The following SPIDR variants were observed in gnomAD, a reference collection of about 807,000 sequenced individuals.
The protein encoded by SPIDR is scaffold protein involved in DNA repair, also known as DNA repair-scaffolding protein.
A neutral mutation model predicts 104.6 loss-of-function variants in SPIDR; 93 were observed. That is an observed-to-expected ratio of 0.89 (90% confidence interval 0.75 to 1.06). The LOEUF (loss-of-function observed/expected upper bound fraction) is 1.06. Ranked by LOEUF, SPIDR falls within the 50% of genes least tolerant of loss-of-function variation. The probability of loss-of-function intolerance (pLI) is 0.00; values close to 1 mark genes in which losing one functional copy is unlikely to be tolerated. For synonymous variants in SPIDR, 431 were observed against 416.9 expected (o/e 1.03, Z -0.41); for missense variants, 1,154 against 1,111.2 (o/e 1.04, Z -0.55).
At chr8:47,657,919 G>A (rs766713082) in intron 10 of SPIDR, among the ~76,000 whole-genome samples, 8 of 150,704 alleles carry the variant, frequency 5.3e-5, no homozygotes, top group Admixed American at 2.0e-4. Context: ...AGTCCCAGCC[G>A]TTTGGGAGAC....
At chr8:47,635,176 A>C (rs530761378) in intron 10 of SPIDR, among the ~76,000 whole-genome samples, 7 of 148,434 alleles carry the variant, frequency 4.7e-5, no homozygotes, top group Non-Finnish European at 9.0e-5. Flanking sequence ...TCTCTACTTA[A>C]AAAAAAAAAA....
Position 47,735,723 on chromosome 8 carries a change from G to A in SPIDR, c.*273G>A. ...AATCTTAAGTTTAAGCTCTTCATTT[G>A]GTATTTAGGCAATATATGAGAAAAA... On this transcript the variant is annotated 3_prime_UTR_variant, in exon 20 of 20. Coordinates refer to ENST00000297423, the MANE Select transcript of SPIDR (RefSeq NM_001080394.4). The A allele has an allele frequency of 2.7e-6, 2 of 741,942 alleles. No homozygotes were observed. The highest frequency in any genetic ancestry group is 4.0e-4 in the Middle Eastern group (1 of 2,530). The allele number at this position is 741,942 out of a possible 1,614,324, so 46.0% of individuals were successfully genotyped here.
At chr8:47,626,917 T>C (rs2066230041) in intron 10 of SPIDR, among the ~76,000 whole-genome samples, 1 of 152,220 alleles carries the variant, frequency 6.6e-6, no homozygotes, top group African/African-American at 2.4e-5. Context: ...TAAATCATGC[T>C]GCTATAAAGA....
intron 1 of SPIDR, among the ~76,000 whole-genome samples, chr8:47,266,129 C>CTTT (rs1224689414): frequency 3.1e-5 from 4 of 129,670 alleles, no homozygotes; most frequent in African/African-American, 5.7e-5. Flanking sequence ...GTTTCTTTGT[C>CTTT]TTTTTTTTTT....
chr8:47,301,295 C>T (rs1164923085), intron 5 of SPIDR, among the ~76,000 whole-genome samples: 1 of 151,982 alleles, frequency 6.6e-6, no homozygotes, highest in Non-Finnish European at 1.5e-5. Context: ...TTTCCATTTC[C>T]TTGTAGATCT....
intron 8 of SPIDR, among the ~76,000 whole-genome samples, chr8:47,473,121 A>T (rs1266718270): frequency 2.0e-5 from 3 of 152,202 alleles, no homozygotes; most frequent in African/African-American, 7.2e-5. Flanking sequence ...TTGGACACAT[A>T]ACACACCCGT....
intron 8 of SPIDR, among the ~76,000 whole-genome samples, chr8:47,590,743 A>G (rs1466042947): frequency 1.3e-5 from 2 of 152,098 alleles, no homozygotes; most frequent in African/African-American, 4.8e-5. Flanking sequence ...TGAGGGAGAG[A>G]TGTTGATGTC....
chr8:47,538,689 C>T (rs2087435585), intron 8 of SPIDR, among the ~76,000 whole-genome samples: 1 of 151,996 alleles, frequency 6.6e-6, no homozygotes, highest in African/African-American at 2.4e-5. Context: ...TTTGATATAG[C>T]TCTCTGTCTT....
At position 47,673,785 on chromosome 8, in the gene SPIDR, G is replaced by A. The variant is rs201547720; in HGVS notation, c.1545-16G>A. On this transcript the variant is annotated splice_polypyrimidine_tract_variant and intron_variant, in intron 10 of 19. Transcript: ENST00000297423. ...AAACTGCCTCCTCAAAGACAAATGT[G>A]AATGGTTTTTTACAGAGCCTGCCTT... The A allele has an allele frequency of 5.6e-6, 9 of 1,614,002 alleles. No homozygotes were observed. The highest frequency in any genetic ancestry group is 6.8e-6 in the Non-Finnish European group (8 of 1,179,980).
intron 5 of SPIDR, among the ~76,000 whole-genome samples, chr8:47,324,482 A>G (rs901420071): frequency 6.6e-6 from 1 of 152,352 alleles, no homozygotes; most frequent in Non-Finnish European, 1.5e-5. Context: ...GTATGTTATT[A>G]TCTGTGCTGT....
chr8:47,671,584 C>CT (rs1691650734), intron 10 of SPIDR, among the ~76,000 whole-genome samples: 9 of 30,190 alleles, frequency 3.0e-4, no homozygotes, highest in African/African-American at 1.7e-3. Flanking sequence ...GACTCCATCT[C>CT]AAAATAAATA....
At chr8:47,679,579 C>T (rs981142379) in intron 11 of SPIDR, among the ~76,000 whole-genome samples, 4 of 150,832 alleles carry the variant, frequency 2.7e-5, no homozygotes, top group Admixed American at 6.6e-5. Flanking sequence ...GCCATGTGCC[C>T]GCCTGCCTCC....
At chr8:47,511,057 G>T in intron 8 of SPIDR, 2 of 924,758 alleles carry the variant, frequency 2.2e-6, no homozygotes, top group Non-Finnish European at 3.6e-6. Context: ...CATGATGGCA[G>T]CATTGAGCAG....
At chr8:47,291,185 T>C (rs1445021177) in intron 4 of SPIDR, 48 bp downstream of exon 4, 12 of 1,322,590 alleles carry the variant, frequency 9.1e-6, no homozygotes, top group Admixed American at 1.8e-5. Context: ...CAGGAACATA[T>C]TGTGTCCAGA....
chr8:47,312,376 C>T (rs1357775615), intron 5 of SPIDR, among the ~76,000 whole-genome samples: 4 of 152,318 alleles, frequency 2.6e-5, no homozygotes, highest in East Asian at 1.9e-4. Flanking sequence ...TCCTCTCCAG[C>T]ACCTGTTGTT....
intron 8 of SPIDR, among the ~76,000 whole-genome samples, chr8:47,500,824 G>T (rs2080286358): frequency 1.3e-5 from 2 of 152,242 alleles, no homozygotes; most frequent in South Asian, 2.1e-4. Context: ...TTTATATAAG[G>T]TGTAAGGAAG....
intron 8 of SPIDR, among the ~76,000 whole-genome samples, chr8:47,475,683 T>G (rs1381643073): frequency 1.3e-5 from 2 of 152,128 alleles, no homozygotes; most frequent in African/African-American, 2.4e-5. Context: ...ACTTGGAGAA[T>G]GCAGTGCTGA....
intron 19 of SPIDR, among the ~76,000 whole-genome samples, chr8:47,731,533 G>C (rs1382093400): frequency 3.9e-5 from 6 of 152,248 alleles, no homozygotes; most frequent in Non-Finnish European, 8.8e-5. Context: ...TTCCCTGCTA[G>C]GGGGATGAGT....
chr8:47,649,354 C>T (rs1009280023), intron 10 of SPIDR, among the ~76,000 whole-genome samples: 3 of 151,814 alleles, frequency 2.0e-5, no homozygotes, highest in Non-Finnish European at 4.4e-5. Context: ...GAGAAGAAAT[C>T]AGACAAACCC....
Sources: gnomAD v4.1 joint callset for allele counts (sites outside exome capture counted in the v4.1 genomes callset) on GRCh38, gnomAD v4.1.1 for gene constraint, MANE v1.5 for transcripts, NCBI Gene and HGNC (gene_info 2026-07-23, HGNC 2026-07-21) for gene names.